USP6NL: variants seen among roughly 807,000 people sequenced by gnomAD.
USP6NL encodes the protein USP6 N-terminal like.
Under a neutral mutation model 61.9 loss-of-function variants are expected in USP6NL, and 26 were observed. The ratio of observed to expected loss-of-function variants is 0.42; its 90% CI spans 0.31 to 0.58. The LOEUF (loss-of-function observed/expected upper bound fraction) is 0.58. USP6NL is among the 20% of genes least tolerant of loss of function. The pLI, the probability that USP6NL is intolerant of heterozygous loss-of-function variation, is 0.16. For synonymous variants in USP6NL, 432 were observed against 390.1 expected, an observed-to-expected ratio of 1.11 and a Z score of -1.27; for missense variants, 1,114 against 1,034.3, an observed-to-expected ratio of 1.08 and a Z score of -1.06.
At chr10:11,603,006 C>G (rs1168118183) in intron 1 of USP6NL, among the ~76,000 whole-genome samples, 1 of 152,172 alleles carries the variant, frequency 6.6e-6, no homozygotes, top group Non-Finnish European at 1.5e-5. Context: ...AGTATTTTCT[C>G]AGCGCAAAAG....
chr10:11,531,564 C>A (rs1311412362), intron 2 of USP6NL, among the ~76,000 whole-genome samples: 4 of 151,666 alleles, frequency 2.6e-5, no homozygotes, highest in Non-Finnish European at 5.9e-5. Flanking sequence ...GTGATCCACC[C>A]ACCTCAGCCT....
Position 11,463,142 on chromosome 10 carries a change from G to A in USP6NL, c.1786C>T (p.Pro596Ser), listed in dbSNP as rs762471533. 4 of 1,613,856 alleles carry A rather than the reference G, an allele frequency of 2.5e-6. No individual in the cohort carries two copies. Among genetic ancestry groups the A allele is most frequent in the African/African-American group, 1.3e-5 (1 of 74,932 alleles). The change falls in exon 15 of 15, where the codon CCA becomes TCA. Residue 596 changes from proline to serine, a missense_variant. Pro to Ser is a moderately conservative substitution (Grantham distance 74). Coordinates refer to ENST00000609104, the MANE Select transcript of USP6NL (RefSeq NM_014688.5). This position sits in a 1 kb window ranked among gnomAD's most constrained non-coding sequence, Gnocchi z 6.3. ...PRKHAEPSSS[P>S]SKVSNKFTFK... The stretch of plus-strand genomic sequence containing the variant: ...GTAAACTTGTTGGATACTTTTGATG[G>A]ACTAGAACTTGGCTCAGCGTGCTTT...
rs1236047253 is a variant in USP6NL at position 11,520,103 on chromosome 10, C to G, written c.156-1529G>C. Among the ~76,000 whole-genome samples the G allele has an allele frequency of 6.6e-6, 1 of 152,168 alleles. No individual in the cohort carries two copies. The highest frequency in any genetic ancestry group is 1.5e-5 in the Non-Finnish European group (1 of 68,032). ...CTCATTTCACAGATAATACAACTAA[C>G]ATTTTCACTTAGTCGAGAGACTTTT... On this transcript the variant is annotated intron_variant, in intron 4 of 14. Coordinates refer to ENST00000609104, the MANE Select transcript of USP6NL (RefSeq NM_014688.5). This position sits in a 1 kb window ranked among gnomAD's most constrained non-coding sequence, Gnocchi z 5.2.
intron 2 of USP6NL, among the ~76,000 whole-genome samples, chr10:11,584,844 G>C (rs1005122982): frequency 1.3e-5 from 2 of 151,958 alleles, no homozygotes; most frequent in African/African-American, 4.8e-5. Flanking sequence ...AGGCTGAGGT[G>C]GGAGAATCAC....
At chr10:11,564,931 T>C (rs1217744438) in intron 2 of USP6NL, 1 of 152,242 alleles carries the variant, frequency 6.6e-6, no homozygotes, top group East Asian at 1.9e-4. Flanking sequence ...CAATCCAAAA[T>C]GCAGCTCTTG....
At chr10:11,593,609 A>C (rs2133650825) in intron 2 of USP6NL, among the ~76,000 whole-genome samples, 1 of 152,370 alleles carries the variant, frequency 6.6e-6, no homozygotes, top group African/African-American at 2.4e-5. Flanking sequence ...AATAAAGTAC[A>C]ATCCACAATG....
intron 2 of USP6NL, among the ~76,000 whole-genome samples, chr10:11,567,129 G>A (rs1352702897): frequency 6.6e-6 from 1 of 152,174 alleles, no homozygotes; most frequent in Non-Finnish European, 1.5e-5. Flanking sequence ...TTTAAAAATG[G>A]GGGAGGGGAA....
At position 11,507,075 on chromosome 10, in the gene USP6NL, C is replaced by T. The variant is rs1834481234; in HGVS notation, c.276+2520G>A. Among the ~76,000 whole-genome samples the T allele has an allele frequency of 4.6e-5, 7 of 152,288 alleles. No individual in the cohort carries two copies. The South Asian group carries it at 1.5e-3, about 32-fold the overall frequency. ...ATTATACTTCAAAGACATGGCACTG[C>T]TAAAATCTCACTAAATGGGAACTGC... On this transcript the variant is annotated intron_variant, in intron 6 of 14. Transcript: ENST00000609104.
chr10:11,494,897 G>C (rs945708946), intron 7 of USP6NL, among the ~76,000 whole-genome samples: 2 of 152,168 alleles, frequency 1.3e-5, no homozygotes, highest in African/African-American at 4.8e-5. Context: ...GCATCACAGG[G>C]AGACGGTTAG....
intron 2 of USP6NL, among the ~76,000 whole-genome samples, chr10:11,584,008 G>A (rs1280824354): frequency 2.0e-5 from 3 of 152,068 alleles, no homozygotes; most frequent in East Asian, 3.9e-4. Context: ...CAGCCTGGGC[G>A]ACACAGCGAG....
Position 11,513,777 on chromosome 10 carries a change from C to T in USP6NL, c.196-4102G>A, listed in dbSNP as rs1316666725. Among the ~76,000 whole-genome samples the T allele has an allele frequency of 6.6e-6, 1 of 152,202 alleles. No individual in the cohort carries two copies. The highest frequency in any genetic ancestry group is 1.5e-5 in the Non-Finnish European group (1 of 68,032). ...AGCAGCCTATATACCAAATTCCCCA[C>T]TTGCCCCAAGACTGTTCTTTATAGC... is the stretch of plus-strand genomic sequence containing the variant. On this transcript the variant is annotated intron_variant, in intron 5 of 14. Transcript: ENST00000609104. The surrounding 1 kb of genome is among the most constrained non-coding windows in gnomAD (Gnocchi z 4.7).
intron 2 of USP6NL, among the ~76,000 whole-genome samples, chr10:11,559,174 T>C (rs1407129717): frequency 6.6e-6 from 1 of 152,198 alleles, no homozygotes; most frequent in African/African-American, 2.4e-5. Context: ...ATATGCAGTA[T>C]ATATGATATA....
chr10:11,497,113 T>A lies in USP6NL; in HGVS notation c.385-3885A>T, dbSNP rs1255894063. On this transcript the variant is annotated intron_variant, in intron 7 of 14. Transcript: ENST00000609104. ...TCCATCTTTTTTTTTTTTTTTTTTT[T>A]AAGATAATGGGCAAGGCCGGGCACA... is the stretch of plus-strand genomic sequence containing the variant. Among the ~76,000 whole-genome samples the A allele has an allele frequency of 7.3e-5, 7 of 96,120 alleles. No homozygotes were observed. In the East Asian group the frequency reaches 1.3e-3, roughly 18 times the overall value. The allele number at this position is 96,120 out of a possible 152,430, so 63.1% of individuals were successfully genotyped here.
chr10:11,565,098 C>G (rs571225692), intron 2 of USP6NL: 4 of 152,274 alleles, frequency 2.6e-5, no homozygotes, highest in African/African-American at 7.2e-5. Context: ...AAGTTAATAG[C>G]CCGTTTAAAG....
At chr10:11,581,216 TAC>T (rs1566196807) in intron 2 of USP6NL, among the ~76,000 whole-genome samples, 2 of 152,208 alleles carry the variant, frequency 1.3e-5, no homozygotes, top group Admixed American at 6.5e-5. Context: ...AGGTCCCACA[TAC>T]AGAGATAAGC....
chr10:11,508,765 G>C (rs1367210370), intron 6 of USP6NL, among the ~76,000 whole-genome samples: 1 of 152,204 alleles, frequency 6.6e-6, no homozygotes, highest in South Asian at 2.1e-4. Context: ...AAAGTGCTTA[G>C]GATGAAATTC....
At position 11,474,401 on chromosome 10, in the gene USP6NL, C is replaced by T. The variant is rs1832881339; in HGVS notation, c.1078+7369G>A. Reference sequence around the variant, plus strand: ...AATTAGATTTGTAAGTTTTTTAGAACTAGGACACATTTTATTTAAATTGAA... The same window carrying T: ...AATTAGATTTGTAAGTTTTTTAGAATTAGGACACATTTTATTTAAATTGAA... On this transcript the variant is annotated intron_variant, in intron 14 of 14. Coordinates refer to ENST00000609104, the MANE Select transcript of USP6NL (RefSeq NM_014688.5). The surrounding 1 kb of genome is among the most constrained non-coding windows in gnomAD (Gnocchi z 4.9). Among the ~76,000 whole-genome samples the T allele has an allele frequency of 6.6e-6, 1 of 152,068 alleles. No individual in the cohort carries two copies. Among genetic ancestry groups the T allele is most frequent in the Admixed American group, 6.6e-5 (1 of 15,252 alleles).
intron 4 of USP6NL, among the ~76,000 whole-genome samples, chr10:11,522,219 ATT>A (rs1182905083): frequency 6.6e-6 from 1 of 152,244 alleles, no homozygotes; most frequent in African/African-American, 2.4e-5. Context: ...TAAAACTGTA[ATT>A]AGATATAAAC....
At chr10:11,555,097 T>G (rs1299383033) in intron 2 of USP6NL, among the ~76,000 whole-genome samples, 2 of 132,908 alleles carry the variant, frequency 1.5e-5, no homozygotes, top group East Asian at 7.4e-4. Flanking sequence ...GGCCTGTTTT[T>G]TTTTTTTTTT....
Sources: gnomAD v4.1 joint callset for allele counts (sites outside exome capture counted in the v4.1 genomes callset) on GRCh38, gnomAD v4.1.1 for gene constraint, Gnocchi (gnomAD v3.1) non-coding constraint, MANE v1.5 for transcripts, NCBI Gene and HGNC (gene_info 2026-07-23, HGNC 2026-07-21) for gene names.